Variants in CACNA1D observed in about 807,000 individuals in gnomAD.
CACNA1D encodes the protein calcium voltage-gated channel subunit alpha1 D, also known as voltage-dependent L-type calcium channel subunit alpha-1D.
CACNA1D carries 55 observed loss-of-function variants against 257.1 expected under a neutral mutation model. That is an observed-to-expected ratio of 0.21 (90% CI 0.17 to 0.27). The LOEUF (loss-of-function observed/expected upper bound fraction) is 0.27. Among genes scored for constraint, CACNA1D ranks in the 10% least tolerant of loss-of-function variants. The pLI is 1.00. For synonymous variants in CACNA1D, 980 were observed against 1,014.9 expected (o/e 0.97, Z 0.65); for missense variants, 1,876 against 2,784.0 (o/e 0.67, Z 7.34).
intron 34 of CACNA1D, among the ~76,000 whole-genome samples, chr3:53,775,471 GGAGGCTGAGCCCAGGAGGTC>G (rs1055843900): frequency 1.3e-4 from 19 of 151,916 alleles, no homozygotes; most frequent in Non-Finnish European, 2.4e-4. Context: ...TAGCTACTGG[GGAGGCTGAGCCCAGGAGGTC>G]GAGGCTGCAG....
At chr3:53,653,183 A>C (rs1576241533) in intron 4 of CACNA1D, among the ~76,000 whole-genome samples, 1 of 152,274 alleles carries the variant, frequency 6.6e-6, no homozygotes, top group South Asian at 2.1e-4. Context: ...CCTGGGAGGC[A>C]GGGGTTGCAG....
At chr3:53,687,263 G>T (rs777364577) in intron 8 of CACNA1D, among the ~76,000 whole-genome samples, 2 of 151,968 alleles carry the variant, frequency 1.3e-5, no homozygotes, top group Non-Finnish European at 2.9e-5. Context: ...TTTAGAAACT[G>T]ACAAGCTTAT....
rs189823205 is a variant in CACNA1D, at chr3:53,581,163, T to C, written c.484-69616T>C. 2.6e-5 allele frequency among the ~76,000 whole-genome samples: 4 copies of C among 152,368 alleles called. No homozygotes were observed. The East Asian group carries it at 7.7e-4, about 29-fold the overall frequency. ...CAGCGCTTGTCAAAGTTAAGCCTTG[T>C]ACATGTGTGAGGACTTTGTTCTTGT... On this transcript the variant is annotated intron_variant, in intron 3 of 47. Coordinates refer to ENST00000350061, the MANE Select transcript of CACNA1D (RefSeq NM_001128840.3).
intron 4 of CACNA1D, 185 bp downstream of exon 4, chr3:53,651,103 C>G (rs372275477): frequency 1.7e-6 from 1 of 603,190 alleles, no homozygotes; most frequent in Non-Finnish European, 2.9e-6. Flanking sequence ...TGGGCAGATA[C>G]TAGTTTGAAA....
chr3:53,749,165 C>G, intron 26 of CACNA1D, 103 bp from the exon 27 acceptor site: 1 of 809,362 alleles, frequency 1.2e-6, no homozygotes, highest in South Asian at 1.4e-5. Context: ...CCAGCGAGTG[C>G]TCATGAGAGG....
At chr3:53,668,404 A>G (rs2094290443) in intron 7 of CACNA1D, among the ~76,000 whole-genome samples, 1 of 152,372 alleles carries the variant, frequency 6.6e-6, no homozygotes, top group Non-Finnish European at 1.5e-5. Flanking sequence ...AGGTTTAAAT[A>G]TCATCTAGGA....
In CACNA1D at chr3:53,494,644, G is replaced by C. The variant is rs1342287133; in HGVS notation, c.-523G>C. ...CGTGCGGCGCGGCGCGGCGGGCGCGGAGCGAGCGGGCGGGCGAGCGCCTCC... is the reference window on the plus strand; with the variant it reads ...CGTGCGGCGCGGCGCGGCGGGCGCGCAGCGAGCGGGCGGGCGAGCGCCTCC... On this transcript the variant is annotated 5_prime_UTR_variant, in exon 1 of 48. Coordinates refer to ENST00000350061, the MANE Select transcript of CACNA1D (RefSeq NM_001128840.3). The C allele has an allele frequency of 3.4e-5, 5 of 146,118 alleles. No individual in the cohort carries two copies. Among genetic ancestry groups the C allele is most frequent in the Non-Finnish European group, 6.1e-5 (4 of 65,628 alleles). 9.1% of individuals were successfully genotyped at this position (146,118 alleles called of 1,614,324 possible). A position where few individuals can be genotyped will look rare whatever the true frequency, so the allele number is the denominator to read the frequency against.
At chr3:53,790,497 T>C (rs1391338846) in intron 40 of CACNA1D, among the ~76,000 whole-genome samples, 1 of 152,256 alleles carries the variant, frequency 6.6e-6, no homozygotes, top group East Asian at 1.9e-4. Context: ...ATGGGAGCCT[T>C]TCCATCTCCA....
chr3:53,663,861 G>C (rs945600568), intron 5 of CACNA1D, among the ~76,000 whole-genome samples: 12 of 151,772 alleles, frequency 7.9e-5, no homozygotes, highest in African/African-American at 2.4e-4. Flanking sequence ...CACCTCCCAG[G>C]TTCAAGTGAT....
intron 46 of CACNA1D, chr3:53,809,757 A>C: frequency 1.0e-5 from 6 of 578,436 alleles, no homozygotes; most frequent in Non-Finnish European, 9.3e-6. Flanking sequence ...AGCCAAAGGA[A>C]ATGCATTATG....
At chr3:53,740,471 T>G in intron 21 of CACNA1D, 132 bp downstream of exon 21, 1 of 739,996 alleles carries the variant, frequency 1.4e-6, no homozygotes, top group Non-Finnish European at 2.5e-6. Context: ...TTTGAGATCA[T>G]TTTAAAGGTA....
intron 30 of CACNA1D, among the ~76,000 whole-genome samples, chr3:53,765,001 C>T (rs1260905237): frequency 2.0e-5 from 3 of 152,228 alleles, no homozygotes; most frequent in Non-Finnish European, 4.4e-5. Flanking sequence ...CTTCAGAAAT[C>T]TCAGTGTCTC....
intron 4 of CACNA1D, among the ~76,000 whole-genome samples, chr3:53,654,226 C>A (rs2094126887): frequency 1.3e-5 from 2 of 151,976 alleles, no homozygotes; most frequent in South Asian, 4.2e-4. Flanking sequence ...TGAAGAGTAC[C>A]AGAAAGTGGC....
At chr3:53,722,513 A>C in intron 12 of CACNA1D, 39 bp downstream of exon 12, 1 of 1,604,650 alleles carries the variant, frequency 6.2e-7, no homozygotes, top group Non-Finnish European at 8.5e-7. Flanking sequence ...TCTGAACTAG[A>C]GATTTCTGTG....
intron 32 of CACNA1D, among the ~76,000 whole-genome samples, chr3:53,772,110 A>T (rs1288045944): frequency 6.6e-6 from 1 of 152,242 alleles, no homozygotes; most frequent in Non-Finnish European, 1.5e-5. Flanking sequence ...AGCAGTTGAC[A>T]TTCAGTGAAA....
intron 22 of CACNA1D, among the ~76,000 whole-genome samples, chr3:53,744,458 G>A (rs2095147970): frequency 6.6e-6 from 1 of 152,214 alleles, no homozygotes; most frequent in Non-Finnish European, 1.5e-5. Context: ...TACAGTGAGT[G>A]GAAAGAACAA....
chr3:53,565,027 T>C (rs1376529968), intron 3 of CACNA1D, among the ~76,000 whole-genome samples: 1 of 152,194 alleles, frequency 6.6e-6, no homozygotes, highest in African/African-American at 2.4e-5. Flanking sequence ...GTTTAATTTT[T>C]TTCCATGTGG....
intron 37 of CACNA1D, among the ~76,000 whole-genome samples, chr3:53,779,433 G>T (rs533911404): frequency 6.6e-6 from 1 of 151,726 alleles, no homozygotes; most frequent in East Asian, 1.9e-4. Flanking sequence ...GTGTATTTGT[G>T]TGTATATATG....
intron 3 of CACNA1D, among the ~76,000 whole-genome samples, chr3:53,519,992 T>C: frequency 6.6e-6 from 1 of 152,240 alleles, no homozygotes; most frequent in Non-Finnish European, 1.5e-5. Context: ...TTCCTTTTTA[T>C]GGTAGAATAA....
Sources: allele counts gnomAD v4.1 joint callset (sites outside exome capture counted in the v4.1 genomes callset), GRCh38; gene constraint gnomAD v4.1.1; transcripts MANE v1.5; gene names NCBI Gene and HGNC (gene_info 2026-07-23, HGNC 2026-07-21).